NR3C2: variants seen among roughly 807,000 people sequenced by gnomAD.
NR3C2 encodes the protein nuclear receptor subfamily 3 group C member 2.
NR3C2 carries 15 observed loss-of-function variants against 86.4 expected under a neutral mutation model. The ratio of observed to expected loss-of-function variants is 0.17; its 90% CI spans 0.12 to 0.27. The LOEUF (loss-of-function observed/expected upper bound fraction) is 0.27, where lower values mean the gene tolerates loss of function less well. Among genes scored for constraint, NR3C2 ranks in the 10% least tolerant of loss-of-function variants. The pLI is 1.00. For missense variants in NR3C2, 960 were observed against 1,195.6 expected, an observed-to-expected ratio of 0.80 and a Z score of 2.91; for synonymous variants, 458 against 450.5, an observed-to-expected ratio of 1.02 and a Z score of -0.21.
At chr4:148,151,917 G>A (rs997680679) in intron 6 of NR3C2, among the ~76,000 whole-genome samples, 5 of 152,156 alleles carry the variant, frequency 3.3e-5, no homozygotes, top group South Asian at 4.1e-4. Context: ...AACTGATTAC[G>A]ATTCTTTCAG....
At chr4:148,142,286 G>A (rs913820881) in intron 6 of NR3C2, among the ~76,000 whole-genome samples, 2 of 152,206 alleles carry the variant, frequency 1.3e-5, no homozygotes, top group African/African-American at 4.8e-5. Context: ...GCGGGCAGGA[G>A]CGTTACTAGG....
Position 148,095,335 on chromosome 4 carries a change from G to A in NR3C2, c.2800-13836C>T, listed in dbSNP as rs114753012. Among the ~76,000 whole-genome samples, 210 of 152,306 alleles carry A rather than the reference G, an allele frequency of 1.4e-3. 1 individual carries two copies. The highest frequency in any genetic ancestry group is 4.3e-3 in the African/African-American group (177 of 41,562). ...TGGTTACGGCTCAGCAAAATGTGAC[G>A]TGATATGAAAACTCCATCCCTTACC... On this transcript the variant is annotated intron_variant, in intron 8 of 8. Coordinates refer to ENST00000358102, the MANE Select transcript of NR3C2 (RefSeq NM_000901.5).
At chr4:148,317,644 G>A (rs1441395810) in intron 2 of NR3C2, among the ~76,000 whole-genome samples, 1 of 152,018 alleles carries the variant, frequency 6.6e-6, no homozygotes, top group Non-Finnish European at 1.5e-5. Context: ...CAAAGAAGAT[G>A]ATGTTCAGTT....
upstream of NR3C2, among the ~76,000 whole-genome samples, chr4:148,443,714 C>T (rs1239188842): frequency 6.6e-6 from 1 of 152,338 alleles, no homozygotes; most frequent in Middle Eastern, 3.4e-3. Context: ...CCCTCGGCGA[C>T]CCGCAGCCCG....
At chr4:148,363,419 C>T (rs1314067520) in intron 2 of NR3C2, among the ~76,000 whole-genome samples, 1 of 151,184 alleles carries the variant, frequency 6.6e-6, no homozygotes, top group African/African-American at 2.4e-5. Flanking sequence ...ATTTATGTAT[C>T]AAAGTCACAG....
chr4:148,312,431 A>G (rs1742946923), intron 2 of NR3C2, among the ~76,000 whole-genome samples: 1 of 152,214 alleles, frequency 6.6e-6, no homozygotes, highest in Non-Finnish European at 1.5e-5. Context: ...GCTAAAAATC[A>G]GGGCCTTTCT....
intron 3 of NR3C2, among the ~76,000 whole-genome samples, chr4:148,241,771 C>T (rs1408192233): frequency 6.6e-6 from 1 of 152,196 alleles, no homozygotes; most frequent in Non-Finnish European, 1.5e-5. Context: ...ATGACAGCAT[C>T]TGACACCCAG....
At chr4:148,224,487 G>T (rs1738041335) in intron 3 of NR3C2, among the ~76,000 whole-genome samples, 1 of 152,222 alleles carries the variant, frequency 6.6e-6, no homozygotes, top group South Asian at 2.1e-4. Context: ...GAACGAGTGA[G>T]GCAGCATTAC....
intron 3 of NR3C2, among the ~76,000 whole-genome samples, chr4:148,219,705 T>A (rs1206559938): frequency 6.6e-6 from 1 of 152,208 alleles, no homozygotes; most frequent in Non-Finnish European, 1.5e-5. Flanking sequence ...AGATGTCTTC[T>A]ATTAACCAGA....
Position 148,360,065 on chromosome 4 carries a change from A to G in NR3C2, c.1757+75039T>C, listed in dbSNP as rs1286829486. Among the ~76,000 whole-genome samples the G allele has an allele frequency of 2.6e-5, 4 of 152,192 alleles. No homozygotes were observed. In the East Asian group the frequency reaches 5.8e-4, roughly 22 times the overall value. ...AATTTCTTAGTAAGAGTGGCTAAGA[A>G]GAAATGGAATTTTCTATAGCAAGAC... On this transcript the variant is annotated intron_variant, in intron 2 of 8. Transcript: ENST00000358102.
chr4:148,141,655 G>T (rs1225536069), intron 6 of NR3C2, among the ~76,000 whole-genome samples: 1 of 152,192 alleles, frequency 6.6e-6, no homozygotes, highest in Non-Finnish European at 1.5e-5. Context: ...TCCATGGCTT[G>T]TTAGGAACTG....
chr4:148,088,682 G>C (rs1403935601), intron 8 of NR3C2, among the ~76,000 whole-genome samples: 1 of 151,852 alleles, frequency 6.6e-6, no homozygotes. Flanking sequence ...CATGGACACA[G>C]GGAGGGGAAC....
intron 4 of NR3C2, among the ~76,000 whole-genome samples, chr4:148,184,103 T>C (rs1242295339): frequency 6.6e-6 from 1 of 151,970 alleles, no homozygotes; most frequent in African/African-American, 2.4e-5. Context: ...CATTAAGAAA[T>C]CCTGTTTTAA....
intron 2 of NR3C2, among the ~76,000 whole-genome samples, chr4:148,396,069 T>A (rs574375205): frequency 6.6e-6 from 1 of 152,322 alleles, no homozygotes; most frequent in African/African-American, 2.4e-5. Flanking sequence ...GTCAGTACCA[T>A]CTATTTAAGA....
intron 6 of NR3C2, among the ~76,000 whole-genome samples, chr4:148,126,830 T>C (rs1036711496): frequency 4.6e-5 from 7 of 152,202 alleles, no homozygotes; most frequent in African/African-American, 1.7e-4. Flanking sequence ...TTGCTAAATC[T>C]CAAAATGCCC....
rs1019581822 is a variant in NR3C2, at chr4:148,195,311, A to T, written c.1898-449T>A. On this transcript the variant is annotated intron_variant, in intron 3 of 8. Transcript: ENST00000358102. Reference sequence around the variant, plus strand: ...CAAATTATACAATTGGAAATGTTAAACTATTTCATTCTGTAAAACAATATG... The same window carrying T: ...CAAATTATACAATTGGAAATGTTAATCTATTTCATTCTGTAAAACAATATG... Among the ~76,000 whole-genome samples, 3 of 152,234 alleles carry T rather than the reference A, an allele frequency of 2.0e-5. No individual in the cohort carries two copies. The South Asian group carries it at 6.2e-4, about 32-fold the overall frequency.
chr4:148,141,359 A>C lies in NR3C2; in HGVS notation c.2510+11110T>G, dbSNP rs550590957. Among the ~76,000 whole-genome samples the C allele has an allele frequency of 5.9e-5, 9 of 152,036 alleles. No individual in the cohort carries two copies. In the South Asian group the frequency reaches 1.5e-3, roughly 25 times the overall value. ...TGAGGCAGGAGAATCACTTGAACCC[A>C]GGAGGCGGAGGTTGCACACACCAGT... is the stretch of plus-strand genomic sequence containing the variant. On this transcript the variant is annotated intron_variant, in intron 6 of 8. Transcript: ENST00000358102.
At chr4:148,303,408 T>C (rs972537047) in intron 2 of NR3C2, among the ~76,000 whole-genome samples, 1 of 152,054 alleles carries the variant, frequency 6.6e-6, no homozygotes. Flanking sequence ...GTGCCTATCA[T>C]CCAGAGGTTT....
At chr4:148,190,365 G>C (rs188968658) in intron 4 of NR3C2, among the ~76,000 whole-genome samples, 1 of 152,096 alleles carries the variant, frequency 6.6e-6, no homozygotes, top group African/African-American at 2.4e-5. Context: ...TGGAGTTGAC[G>C]TCCAATTTTA....
Sources: allele counts gnomAD v4.1 joint callset (sites outside exome capture counted in the v4.1 genomes callset), GRCh38; gene constraint gnomAD v4.1.1; transcripts MANE v1.5; gene names NCBI Gene and HGNC (gene_info 2026-07-23, HGNC 2026-07-21).